Variants in ZNF143 observed in about 807,000 individuals in gnomAD.
ZNF143 encodes SPH-binding factor.
Under a neutral mutation model 74.1 loss-of-function variants are expected in ZNF143, and 49 were observed. The observed-to-expected ratio is 0.66, with a 90% CI of 0.53 to 0.84. The LOEUF is 0.84. Among genes scored for constraint, ZNF143 ranks in the 40% least tolerant of loss-of-function variants. The pLI is 0.00. For synonymous variants in ZNF143, 304 were observed against 282.8 expected (o/e 1.07, Z -0.75); for missense variants, 637 against 793.4 (o/e 0.80, Z 2.37).
At chr11:9,498,246 A>C (rs912901042) in intron 10 of ZNF143, among the ~76,000 whole-genome samples, 1 of 152,228 alleles carries the variant, frequency 6.6e-6, no homozygotes, top group South Asian at 2.1e-4. Flanking sequence ...CTTGCTGTAT[A>C]TGCATGTCTG....
intron 14 of ZNF143, among the ~76,000 whole-genome samples, chr11:9,523,904 C>A (rs1313161749): frequency 6.7e-6 from 1 of 148,496 alleles, no homozygotes; most frequent in Non-Finnish European, 1.5e-5. Context: ...AAAAATTAGC[C>A]GAGTGAGGTG....
intron 12 of ZNF143, among the ~76,000 whole-genome samples, chr11:9,510,220 G>A (rs2134163908): frequency 6.6e-6 from 1 of 151,778 alleles, no homozygotes; most frequent in African/African-American, 2.4e-5. Flanking sequence ...CGCCTCCCGG[G>A]TTCATTCCAT....
At chr11:9,511,438 A>G (rs1380881905) in intron 12 of ZNF143, among the ~76,000 whole-genome samples, 2 of 149,968 alleles carry the variant, frequency 1.3e-5, no homozygotes, top group Admixed American at 6.7e-5. Flanking sequence ...CTGGGACTAC[A>G]GGCGCCTGCC....
intron 1 of ZNF143, among the ~76,000 whole-genome samples, chr11:9,462,375 A>G (rs1055248899): frequency 3.9e-5 from 6 of 151,996 alleles, no homozygotes; most frequent in African/African-American, 9.7e-5. Context: ...CCTGGGCAGC[A>G]TAGGGAGACG....
At chr11:9,480,120 A>G (rs1847177599) in intron 7 of ZNF143, among the ~76,000 whole-genome samples, 1 of 152,182 alleles carries the variant, frequency 6.6e-6, no homozygotes. Context: ...CCCTGGGTCC[A>G]GTCATTGGCT....
chr11:9,499,646 A>G (rs1395825329), intron 10 of ZNF143, among the ~76,000 whole-genome samples: 2 of 152,214 alleles, frequency 1.3e-5, no homozygotes, highest in Non-Finnish European at 1.5e-5. Context: ...TCGAGGCTGC[A>G]GTGTGCAACC....
chr11:9,523,529 C>T (rs974142408), intron 14 of ZNF143, among the ~76,000 whole-genome samples: 5 of 150,466 alleles, frequency 3.3e-5, no homozygotes, highest in African/African-American at 4.9e-5. Flanking sequence ...GTCAGGAGAT[C>T]GAGACCATCC....
chr11:9,490,018 A>C (rs1410147771), intron 7 of ZNF143, among the ~76,000 whole-genome samples: 1 of 151,738 alleles, frequency 6.6e-6, no homozygotes, highest in Non-Finnish European at 1.5e-5. Flanking sequence ...CCATTTCTAC[A>C]ATTTTTTTTT....
At chr11:9,515,549 G>T (rs911140950) in intron 13 of ZNF143, among the ~76,000 whole-genome samples, 5 of 151,798 alleles carry the variant, frequency 3.3e-5, no homozygotes, top group Non-Finnish European at 5.9e-5. Context: ...AGCTACTTGG[G>T]AGGCTGAGGC....
intron 7 of ZNF143, among the ~76,000 whole-genome samples, chr11:9,481,403 T>C (rs796073733): frequency 1.6e-4 from 24 of 151,908 alleles, no homozygotes; most frequent in African/African-American, 5.3e-4. Flanking sequence ...TCCCAAAAAA[T>C]GAGACTTCAG....
At chr11:9,471,596 A>G (rs1194564629) in intron 2 of ZNF143, among the ~76,000 whole-genome samples, 176 bp downstream of exon 2, 1 of 151,220 alleles carries the variant, frequency 6.6e-6, no homozygotes. Context: ...CTTGTCGCCC[A>G]GGCTGGAGTG....
At chr11:9,471,591 C>T (rs569657955) in intron 2 of ZNF143, among the ~76,000 whole-genome samples, 171 bp downstream of exon 2, 11 of 150,350 alleles carry the variant, frequency 7.3e-5, no homozygotes, top group Admixed American at 1.3e-4. Flanking sequence ...TTACTCTTGT[C>T]GCCCAGGCTG....
intron 1 of ZNF143, among the ~76,000 whole-genome samples, chr11:9,467,757 C>G (rs1008093387): frequency 5.4e-5 from 8 of 149,396 alleles, no homozygotes; most frequent in African/African-American, 1.5e-4. Context: ...TGAGACAGAA[C>G]TGCTTGAACT....
rs558685682 is a variant in ZNF143 at position 9,488,693 on chromosome 11, C to G, written c.646-5953C>G. Reference sequence around the variant, plus strand: ...TAATAGCACAGTTTTACTAGCTAGACTGAGAGCCCTACAAAGGCAGGAACA... The same window carrying G: ...TAATAGCACAGTTTTACTAGCTAGAGTGAGAGCCCTACAAAGGCAGGAACA... On this transcript the variant is annotated intron_variant, in intron 7 of 15. Transcript: ENST00000396602. Among the ~76,000 whole-genome samples the G allele has an allele frequency of 1.8e-4, 28 of 152,250 alleles. No individual in the cohort carries two copies. The East Asian group carries it at 2.5e-3, about 14-fold the overall frequency.
intron 1 of ZNF143, among the ~76,000 whole-genome samples, chr11:9,464,082 G>A (rs1263516226): frequency 7.2e-6 from 1 of 138,154 alleles, no homozygotes; most frequent in Non-Finnish European, 1.6e-5. Flanking sequence ...TCGTGTGTGT[G>A]TGTTTGTGTG....
chr11:9,464,134 A>C (rs1281640869), intron 1 of ZNF143, among the ~76,000 whole-genome samples: 1 of 150,930 alleles, frequency 6.6e-6, no homozygotes, highest in Non-Finnish European at 1.5e-5. Flanking sequence ...ATAGATATTA[A>C]AAATCCATTT....
chr11:9,466,621 C>T (rs771688754), intron 1 of ZNF143, among the ~76,000 whole-genome samples: 1 of 150,524 alleles, frequency 6.6e-6, no homozygotes. Context: ...TTTTATTTTC[C>T]GTAGAGACAG....
rs754355185 is a variant in ZNF143 at position 9,474,585 on chromosome 11, G to A, written c.325G>A (p.Val109Ile). Residue 109 changes from valine (V) to isoleucine (I), a missense_variant, in exon 5 of 16, where the codon GTA (valine) becomes ATA (isoleucine). Transcript: ENST00000396602. ...DSLRLEDGQA[V>I]QLEDGTTAFI... is the part of the protein sequence containing the mutation. Reference sequence around the variant, plus strand: ...TTTGCGTCTAGAGGATGGTCAAGCAGTACAGTTAGAAGATGGTACCACAGC... The same window carrying A: ...TTTGCGTCTAGAGGATGGTCAAGCAATACAGTTAGAAGATGGTACCACAGC... 104 of 1,614,070 alleles carry A rather than the reference G, an allele frequency of 6.4e-5. 1 individual carries two copies. The highest frequency in any genetic ancestry group is 7.7e-5 in the South Asian group (7 of 91,090).
intron 14 of ZNF143, among the ~76,000 whole-genome samples, chr11:9,518,922 C>G (rs973376896): frequency 1.3e-5 from 2 of 152,108 alleles, no homozygotes; most frequent in African/African-American, 4.8e-5. Flanking sequence ...AATTAACAAG[C>G]AAAAGTTAAA....
Sources: gnomAD v4.1 joint callset for allele counts (sites outside exome capture counted in the v4.1 genomes callset) on GRCh38, gnomAD v4.1.1 for gene constraint, MANE v1.5 for transcripts, NCBI Gene and HGNC (gene_info 2026-07-23, HGNC 2026-07-21) for gene names.